Variants in FLACC1 observed in about 807,000 individuals in gnomAD.
FLACC1 encodes the protein flagellum associated containing coiled-coil domains 1, also known as flagellum-associated coiled-coil domain-containing protein 1.
FLACC1 carries 66 observed loss-of-function variants against 62.8 expected under a neutral mutation model. That is an observed-to-expected ratio of 1.05 (90% CI 0.86 to 1.29). FLACC1 has a LOEUF of 1.29. Among genes scored for constraint, FLACC1 ranks in the 50% most tolerant of loss-of-function variants. The probability of loss-of-function intolerance (pLI) is 0.00; values close to 1 mark genes in which losing one functional copy is unlikely to be tolerated. For synonymous variants in FLACC1, 156 were observed against 161.0 expected (o/e 0.97, Z 0.24); for missense variants, 452 against 489.1 (o/e 0.92, Z 0.71).
At chr2:201,292,795 C>T (rs1412551671) in intron 12 of FLACC1, among the ~76,000 whole-genome samples, 1 of 152,094 alleles carries the variant, frequency 6.6e-6, no homozygotes, top group Non-Finnish European at 1.5e-5. Flanking sequence ...TGCAGAGACA[C>T]ACAGAGGCTC....
At chr2:201,312,153 A>C (rs1012058858) in intron 9 of FLACC1, among the ~76,000 whole-genome samples, 3 of 152,262 alleles carry the variant, frequency 2.0e-5, no homozygotes, top group Non-Finnish European at 4.4e-5. Flanking sequence ...CTGTTCACTG[A>C]TAACATAATT....
rs117058283 is a variant in FLACC1 at position 201,316,092 on chromosome 2, T to C, written c.676-6842A>G. 1.5e-3 allele frequency among the ~76,000 whole-genome samples: 231 copies of C among 152,012 alleles called. 5 individuals carry two copies. In the East Asian group the frequency reaches 0.023, roughly 15 times the overall value. On this transcript the variant is annotated intron_variant, in intron 9 of 14. Transcript: ENST00000392257. ...GAAAGCTAAAAGCCCTAAACACTTA[T>C]ATAAAAAAGTCTGAAAGAGCAAAAA...
chr2:201,314,981 A>G (rs985197178), intron 9 of FLACC1, among the ~76,000 whole-genome samples: 1 of 152,204 alleles, frequency 6.6e-6, no homozygotes, highest in African/African-American at 2.4e-5. Flanking sequence ...CAGGCAAACA[A>G]ATGCTAAAAG....
In FLACC1 at chr2:201,289,782, T is replaced by C. The variant is rs374572019; in HGVS notation, c.946A>G (p.Met316Val). 6.8e-6 allele frequency: 11 copies of C among 1,614,124 alleles called. No individual in the cohort carries two copies. Among genetic ancestry groups the C allele is most frequent in the Non-Finnish European group, 9.3e-6 (11 of 1,180,048 alleles). ...LEELRKTKEV[M>V]QEELHAQALI... ...GCTTGTGCATGCAATTCTTCCTGCATGACCTGCATAAGAAGAAGCTGTTGC... is the reference window on the plus strand; with the variant it reads ...GCTTGTGCATGCAATTCTTCCTGCACGACCTGCATAAGAAGAAGCTGTTGC... Residue 316 changes from methionine to valine, a missense_variant, in exon 13 of 15, where the codon ATG becomes GTG. Around this residue, in one of 3 missense-constraint regions of FLACC1, gnomAD observed 301 missense variants for 318.4 expected, o/e 0.95. Transcript: ENST00000392257.
chr2:201,346,725 A>G lies in FLACC1; in HGVS notation c.235-50T>C. 1 of 1,609,024 alleles carries G rather than the reference A, an allele frequency of 6.2e-7. No individual in the cohort carries two copies. Among genetic ancestry groups the G allele is most frequent in the Non-Finnish European group, 8.5e-7 (1 of 1,178,106 alleles). The stretch of plus-strand genomic sequence containing the variant: ...AAAATGGCAGACTTGGAGTGCTGAG[A>G]TTTTTCCAAATCTTCTCTTATTGCC... On this transcript the variant is annotated intron_variant, in intron 4 of 14. Transcript: ENST00000392257. The surrounding 1 kb of genome is among the most constrained non-coding windows in gnomAD (Gnocchi z 4.0).
Position 201,304,746 on chromosome 2 carries a change from T to C in FLACC1, c.879+2773A>G, listed in dbSNP as rs921834318. 1.4e-4 allele frequency among the ~76,000 whole-genome samples: 22 copies of C among 152,164 alleles called. No individual in the cohort carries two copies. The South Asian group carries it at 1.5e-3, about 10-fold the overall frequency. On this transcript the variant is annotated intron_variant, in intron 11 of 14. Transcript: ENST00000392257. ...GTACCAAAACATAGATATAGACCAA[T>C]GGAACAGAACAGAGCCCTCAAAAAT...
intron 9 of FLACC1, among the ~76,000 whole-genome samples, chr2:201,325,594 G>T (rs1017104651): frequency 6.6e-6 from 1 of 152,012 alleles, no homozygotes; most frequent in African/African-American, 2.4e-5. Flanking sequence ...TCCTGGAAAC[G>T]TACAACTCTC....
chr2:201,302,248 A>G lies in FLACC1; in HGVS notation c.880-2948T>C, dbSNP rs186987350. Among the ~76,000 whole-genome samples, 179 of 152,350 alleles carry G rather than the reference A, an allele frequency of 1.2e-3. 1 individual carries two copies. The Middle Eastern group carries it at 0.014, about 12-fold the overall frequency. The stretch of plus-strand genomic sequence containing the variant: ...AGGATGGAGTAAGATCTAACAAAAA[A>G]ATGGAAAACAAAAAAAGGCAGGGGT... On this transcript the variant is annotated intron_variant, in intron 11 of 14. Transcript: ENST00000392257.
At chr2:201,313,523 A>C (rs1950254659) in intron 9 of FLACC1, among the ~76,000 whole-genome samples, 1 of 152,108 alleles carries the variant, frequency 6.6e-6, no homozygotes, top group African/African-American at 2.4e-5. Flanking sequence ...TTACCTGGGA[A>C]CCACACCTCC....
intron 12 of FLACC1, among the ~76,000 whole-genome samples, chr2:201,297,661 T>C (rs1949893654): frequency 1.3e-5 from 2 of 152,170 alleles, no homozygotes; most frequent in South Asian, 4.1e-4. Context: ...ATGGCTGGGA[T>C]TGGAGCAGAA....
chr2:201,361,211 T>G (rs1265288932), upstream of FLACC1, among the ~76,000 whole-genome samples: 1 of 152,202 alleles, frequency 6.6e-6, no homozygotes, highest in Non-Finnish European at 1.5e-5. Flanking sequence ...CAGGGAATGC[T>G]TCACCACATC....
chr2:201,302,908 C>A (rs1331934606), intron 11 of FLACC1, among the ~76,000 whole-genome samples: 4 of 152,242 alleles, frequency 2.6e-5, no homozygotes, highest in East Asian at 1.9e-4. Context: ...ACATACCAGA[C>A]TCTCTGGGAC....
At chr2:201,339,212 G>A (rs1950755555) in intron 7 of FLACC1, among the ~76,000 whole-genome samples, 1 of 152,006 alleles carries the variant, frequency 6.6e-6, no homozygotes, top group Non-Finnish European at 1.5e-5. Context: ...AGTTATAGTT[G>A]TTCATAATAG....
intron 9 of FLACC1, among the ~76,000 whole-genome samples, chr2:201,309,765 G>A (rs1950178579): frequency 6.6e-6 from 1 of 151,456 alleles, no homozygotes; most frequent in African/African-American, 2.4e-5. Flanking sequence ...AAATTAGCTG[G>A]GCGTGGTGGC....
intron 11 of FLACC1, among the ~76,000 whole-genome samples, chr2:201,306,205 A>AG (rs1950103026): frequency 6.6e-6 from 1 of 152,122 alleles, no homozygotes; most frequent in Non-Finnish European, 1.5e-5. Context: ...AAGAGGAAGG[A>AG]GGCCTGTCTT....
At chr2:201,347,198 T>C (rs1397066216) in intron 4 of FLACC1, among the ~76,000 whole-genome samples, 3 of 152,242 alleles carry the variant, frequency 2.0e-5, no homozygotes, top group African/African-American at 7.2e-5. Flanking sequence ...CTTTTCCCAT[T>C]AGACGCCAAG....
At chr2:201,359,952 A>G (rs1318385518), upstream of FLACC1, among the ~76,000 whole-genome samples, 1 of 150,120 alleles carries the variant, frequency 6.7e-6, no homozygotes, top group Non-Finnish European at 1.5e-5. Context: ...AAAAAAAAAA[A>G]GCAGCAGGAT....
At chr2:201,362,365 G>A (rs1951192808), upstream of FLACC1, among the ~76,000 whole-genome samples, 1 of 151,872 alleles carries the variant, frequency 6.6e-6, no homozygotes, top group Admixed American at 6.6e-5. Context: ...GCAGATTAGA[G>A]TCTTTCAGTG....
intron 14 of FLACC1, 93 bp downstream of exon 14, chr2:201,289,364 G>A: frequency 1.7e-6 from 2 of 1,152,238 alleles, no homozygotes; most frequent in Non-Finnish European, 2.6e-6. Context: ...TAACTAGGGA[G>A]CAGTTGGTCT....
Sources: allele counts gnomAD v4.1 joint callset (sites outside exome capture counted in the v4.1 genomes callset), GRCh38; gene constraint gnomAD v4.1.1; regional missense constraint gnomAD v4.1.1; non-coding constraint Gnocchi (gnomAD v3.1); transcripts MANE v1.5; gene names NCBI Gene and HGNC (gene_info 2026-07-23, HGNC 2026-07-21).